SGIP1: variants seen among roughly 807,000 people sequenced by gnomAD.
SGIP1 encodes the protein SH3-containing GRB2-like protein 3-interacting protein 1.
A neutral mutation model predicts 107.5 loss-of-function variants in SGIP1; 38 were observed. The ratio of observed to expected loss-of-function variants is 0.35; its 90% confidence interval spans 0.27 to 0.46. The LOEUF is 0.46. SGIP1 is among the 20% of genes least tolerant of loss of function. SGIP1 has a pLI of 1.00. For synonymous variants in SGIP1, 365 were observed against 366.1 expected (o/e 1.00, Z 0.03); for missense variants, 929 against 1,019.5 (o/e 0.91, Z 1.21).
At chr1:66,572,129 G>T (rs2148616650) in intron 1 of SGIP1, among the ~76,000 whole-genome samples, 1 of 152,046 alleles carries the variant, frequency 6.6e-6, no homozygotes, top group East Asian at 1.9e-4. Context: ...CTGCAGAGTG[G>T]ATCCTTTCTC....
intron 7 of SGIP1, among the ~76,000 whole-genome samples, chr1:66,651,033 G>A (rs191762465): frequency 5.3e-5 from 8 of 152,240 alleles, no homozygotes; most frequent in African/African-American, 1.7e-4. Context: ...TAATAATACT[G>A]CCCACTTCAT....
In SGIP1 at chr1:66,743,989, T is replaced by C. The variant is rs2094520549; in HGVS notation, c.*894T>C. On this transcript the variant is annotated 3_prime_UTR_variant, in exon 25 of 25. Transcript: ENST00000371037. ...GATTTTAAGATTTCAAGACTTTCCG[T>C]AGTTGAACTGGTTAAGAATTTTTGC... 6.6e-6 allele frequency: 1 copy of C among 152,202 alleles called. No homozygotes were observed. Among genetic ancestry groups the C allele is most frequent in the Admixed American group, 6.5e-5 (1 of 15,282 alleles). 9.4% of individuals were successfully genotyped at this position (152,202 alleles called of 1,614,324 possible).
intron 1 of SGIP1, among the ~76,000 whole-genome samples, chr1:66,601,096 GC>G (rs1396534981): frequency 1.3e-5 from 2 of 152,170 alleles, no homozygotes; most frequent in Non-Finnish European, 2.9e-5. Flanking sequence ...GGGCGCGGTG[GC>G]TCACGCCTGT....
At chr1:66,691,731 T>G (rs1481392630) in intron 17 of SGIP1, among the ~76,000 whole-genome samples, 1 of 152,198 alleles carries the variant, frequency 6.6e-6, no homozygotes, top group Admixed American at 6.5e-5. Context: ...ACCTCCTTCA[T>G]GTGATTTGAC....
intron 13 of SGIP1, among the ~76,000 whole-genome samples, chr1:66,677,490 T>C (rs2085657470): frequency 6.6e-6 from 1 of 152,184 alleles, no homozygotes; most frequent in Non-Finnish European, 1.5e-5. Context: ...ATAGAGCAAC[T>C]GAGGCTGCAC....
At chr1:66,593,736 T>G (rs1443866724) in intron 1 of SGIP1, among the ~76,000 whole-genome samples, 1 of 152,110 alleles carries the variant, frequency 6.6e-6, no homozygotes, top group Non-Finnish European at 1.5e-5. Context: ...CTTCATGTAT[T>G]CCAGTCTGGG....
chr1:66,589,736 T>A (rs972742980), intron 1 of SGIP1, among the ~76,000 whole-genome samples: 1 of 152,230 alleles, frequency 6.6e-6, no homozygotes, highest in Non-Finnish European at 1.5e-5. Context: ...GTTTTTATAC[T>A]TAAGGAATCA....
At chr1:66,660,439 C>A in intron 7 of SGIP1, 74 bp from the exon 8 acceptor site, 1 of 1,409,136 alleles carries the variant, frequency 7.1e-7, no homozygotes, top group Non-Finnish European at 1.0e-6. Flanking sequence ...GAACCTTGAC[C>A]TGTTTCTTCT....
At chr1:66,674,873 T>C (rs1203369148) in intron 12 of SGIP1, among the ~76,000 whole-genome samples, 1 of 152,216 alleles carries the variant, frequency 6.6e-6, no homozygotes, top group Non-Finnish European at 1.5e-5. Flanking sequence ...AAAATTCTGT[T>C]ACTATAGAAG....
chr1:66,736,367 T>G (rs1402114623), intron 21 of SGIP1, among the ~76,000 whole-genome samples: 1 of 135,068 alleles, frequency 7.4e-6, no homozygotes, highest in African/African-American at 2.7e-5. Context: ...TATAATATGA[T>G]ATATGTGAAT....
chr1:66,576,596 A>G (rs2061099863), intron 1 of SGIP1, among the ~76,000 whole-genome samples: 1 of 152,162 alleles, frequency 6.6e-6, no homozygotes, highest in Non-Finnish European at 1.5e-5. Flanking sequence ...TAATATTAAT[A>G]CATATCTCAA....
At chr1:66,740,817 C>A in intron 23 of SGIP1, 95 bp downstream of exon 23, 1 of 765,716 alleles carries the variant, frequency 1.3e-6, no homozygotes, top group South Asian at 1.7e-5. Context: ...GCAATAAAAA[C>A]AAGCAGAATA....
chr1:66,542,625 G>A (rs1036740602), intron 1 of SGIP1, among the ~76,000 whole-genome samples: 5 of 152,140 alleles, frequency 3.3e-5, no homozygotes, highest in South Asian at 4.1e-4. Flanking sequence ...AGGATGGCAC[G>A]AGATTTCATT....
chr1:66,588,589 A>T (rs902472736), intron 1 of SGIP1, among the ~76,000 whole-genome samples: 4 of 151,902 alleles, frequency 2.6e-5, no homozygotes, highest in Non-Finnish European at 2.9e-5. Flanking sequence ...AAAATAAAAG[A>T]AATAATAATT....
rs1557860209 is a variant in SGIP1, at chr1:66,748,174, ATT to A, written c.*5080_*5081del. The stretch of plus-strand genomic sequence containing the variant: ...ATGTGGAAAACAGTATCTAAATGCC[ATT>A]CTCTCACTTATGAATTAAATATGGC... On this transcript the variant is annotated 3_prime_UTR_variant, in exon 25 of 25. Coordinates refer to ENST00000371037, the MANE Select transcript of SGIP1 (RefSeq NM_032291.4). 1 of 151,868 alleles carries A rather than the reference ATT, an allele frequency of 6.6e-6. No individual in the cohort carries two copies. Among genetic ancestry groups the A allele is most frequent in the Non-Finnish European group, 1.5e-5 (1 of 67,842 alleles). The allele number at this position is 151,868 out of a possible 1,614,324, so 9.4% of individuals were successfully genotyped here. A position where few individuals can be genotyped will look rare whatever the true frequency, so the allele number is the denominator to read the frequency against.
At chr1:66,725,374 A>C (rs1201133095) in intron 19 of SGIP1, among the ~76,000 whole-genome samples, 1 of 152,230 alleles carries the variant, frequency 6.6e-6, no homozygotes, top group East Asian at 1.9e-4. Flanking sequence ...CACAATATCC[A>C]AGGTGACTGT....
At chr1:66,639,180 T>C (rs2076322965) in intron 4 of SGIP1, among the ~76,000 whole-genome samples, 1 of 152,200 alleles carries the variant, frequency 6.6e-6, no homozygotes, top group East Asian at 1.9e-4. Context: ...AATCCTCAAA[T>C]TCTATTTTTA....
chr1:66,604,406 T>A (rs1312481044), intron 1 of SGIP1, among the ~76,000 whole-genome samples: 1 of 152,172 alleles, frequency 6.6e-6, no homozygotes, highest in African/African-American at 2.4e-5. Context: ...AGAAACAACA[T>A]AGCATACTAC....
intron 13 of SGIP1, among the ~76,000 whole-genome samples, chr1:66,678,180 A>G (rs1297113682): frequency 6.6e-6 from 1 of 152,264 alleles, no homozygotes. Flanking sequence ...CCTGCAAAAC[A>G]AAACTAGTGA....
Sources: gnomAD v4.1 joint callset for allele counts (sites outside exome capture counted in the v4.1 genomes callset) on GRCh38, gnomAD v4.1.1 for gene constraint, MANE v1.5 for transcripts, NCBI Gene and HGNC (gene_info 2026-07-23, HGNC 2026-07-21) for gene names.